Variants in STRN observed in about 807,000 individuals in gnomAD.
STRN encodes protein phosphatase 2 regulatory subunit B'''alpha.
In STRN, 53 loss-of-function variants were observed where a neutral mutation model predicts 96.3. The observed-to-expected ratio is 0.55, with a 90% CI of 0.44 to 0.69. The LOEUF (loss-of-function observed/expected upper bound fraction) is 0.69. STRN is among the 30% of genes least tolerant of loss of function. STRN has a pLI of 0.00. For missense variants in STRN, 987 were observed against 963.9 expected (o/e 1.02, Z -0.32); for synonymous variants, 428 against 355.9 (o/e 1.20, Z -2.28).
chr2:36,956,918 C>T (rs946366610), intron 1 of STRN, among the ~76,000 whole-genome samples: 1 of 152,100 alleles, frequency 6.6e-6, no homozygotes, highest in East Asian at 1.9e-4. Flanking sequence ...TTCTACTGAA[C>T]GCAGCCAAAA....
chr2:36,934,465 C>T (rs369460551), intron 1 of STRN, among the ~76,000 whole-genome samples: 8 of 152,260 alleles, frequency 5.3e-5, no homozygotes, highest in African/African-American at 1.9e-4. Flanking sequence ...TCTCAGAAAG[C>T]ATTACTTGCA....
intron 9 of STRN, 126 bp downstream of exon 9, chr2:36,883,806 G>A (rs778303016): frequency 1.1e-6 from 1 of 951,844 alleles, no homozygotes; most frequent in Non-Finnish European, 1.4e-6. Flanking sequence ...TGCATTTGGG[G>A]AAAACTATGC....
At chr2:36,894,082 C>A (rs781586005) in intron 6 of STRN, 49 bp from the exon 7 acceptor site, 12 of 1,569,124 alleles carry the variant, frequency 7.6e-6, no homozygotes, top group Non-Finnish European at 8.6e-6. Context: ...TTTCCCTTTA[C>A]CACTGAATAA....
intron 1 of STRN, among the ~76,000 whole-genome samples, chr2:36,945,434 G>A (rs757392879): frequency 6.6e-5 from 10 of 152,306 alleles, no homozygotes; most frequent in East Asian, 1.9e-4. Context: ...TTGGGAGGCC[G>A]CGGCAGGCGG....
chr2:36,875,272 G>A (rs895589711), intron 10 of STRN, among the ~76,000 whole-genome samples: 1 of 152,134 alleles, frequency 6.6e-6, no homozygotes, highest in African/African-American at 2.4e-5. Context: ...CACTCTGTGA[G>A]GCTGAGGTGG....
intron 13 of STRN, among the ~76,000 whole-genome samples, chr2:36,860,717 T>C (rs1238320007): frequency 1.3e-5 from 2 of 152,206 alleles, no homozygotes; most frequent in Non-Finnish European, 2.9e-5. Flanking sequence ...TAAAAATTAT[T>C]AGCTTCTACA....
rs1176713047 is a variant in STRN, at chr2:36,924,969, T to A, written c.338+136A>T. 7.6e-6 allele frequency: 5 copies of A among 656,804 alleles called. No homozygotes were observed. In the African/African-American group the frequency reaches 9.1e-5, roughly 12 times the overall value. The allele number at this position is 656,804 out of a possible 1,614,324, so 40.7% of individuals were successfully genotyped here. ...TACTGGGGAGGCTGAGGCAGGAGAA[T>A]TGCTTGAAACCGGGAGGCGGAGGTC... On this transcript the variant is annotated intron_variant, in intron 2 of 17. Transcript: ENST00000263918.
chr2:36,904,969 CTTTT>C (rs199913588), intron 4 of STRN, among the ~76,000 whole-genome samples: 3 of 134,820 alleles, frequency 2.2e-5, no homozygotes, highest in Admixed American at 7.2e-5. Flanking sequence ...ACCAATTGCA[CTTTT>C]TTTTTTTTTT....
intron 8 of STRN, among the ~76,000 whole-genome samples, chr2:36,885,674 T>C (rs950289999): frequency 6.6e-6 from 1 of 152,172 alleles, no homozygotes; most frequent in Non-Finnish European, 1.5e-5. Flanking sequence ...AAGGTTTAAA[T>C]GCTTTTAAGT....
intron 10 of STRN, among the ~76,000 whole-genome samples, chr2:36,872,081 T>C (rs1440303839): frequency 6.6e-6 from 1 of 152,220 alleles, no homozygotes; most frequent in African/African-American, 2.4e-5. Context: ...CTTAATGTGG[T>C]AGGCAGCCAC....
At chr2:36,943,538 C>T (rs1169671252) in intron 1 of STRN, among the ~76,000 whole-genome samples, 1 of 152,176 alleles carries the variant, frequency 6.6e-6, no homozygotes, top group Admixed American at 6.5e-5. Flanking sequence ...GGCACAGTGG[C>T]TCACACTTGT....
intron 15 of STRN, among the ~76,000 whole-genome samples, chr2:36,853,390 G>T (rs1474066946): frequency 1.3e-5 from 2 of 152,190 alleles, no homozygotes; most frequent in South Asian, 4.1e-4. Flanking sequence ...CATATATTCT[G>T]AGAGAGACGT....
intron 1 of STRN, among the ~76,000 whole-genome samples, chr2:36,933,284 T>C (rs1413637612): frequency 1.3e-5 from 2 of 152,206 alleles, no homozygotes; most frequent in South Asian, 2.1e-4. Flanking sequence ...ATAGTTTATA[T>C]GCAAATACTA....
chr2:36,864,611 G>T (rs1339132520), intron 12 of STRN, among the ~76,000 whole-genome samples: 1 of 152,194 alleles, frequency 6.6e-6, no homozygotes, highest in African/African-American at 2.4e-5. Context: ...TTGGCCTGAA[G>T]TTTTCCTTTC....
chr2:36,912,158 T>A (rs1385310569), intron 3 of STRN, among the ~76,000 whole-genome samples: 1 of 152,138 alleles, frequency 6.6e-6, no homozygotes, highest in African/African-American at 2.4e-5. Context: ...CCTACCACCT[T>A]CTTCAGATTA....
intron 14 of STRN, 112 bp downstream of exon 14, chr2:36,857,744 A>G (rs541135883): frequency 4.2e-6 from 4 of 942,136 alleles, no homozygotes; most frequent in Non-Finnish European, 6.0e-6. Flanking sequence ...CGTGGCTTCA[A>G]AAACTTTCAA....
chr2:36,964,297 T>C lies in STRN; in HGVS notation c.234+1933A>G, dbSNP rs538662238. ...GTTTTTTTTTTTTTAACCAAATTAG[T>C]GTGAGTTATCTATATTCCCAAAACT... On this transcript the variant is annotated intron_variant, in intron 1 of 17. Transcript: ENST00000263918. 2.4e-4 allele frequency among the ~76,000 whole-genome samples: 36 copies of C among 151,082 alleles called. No individual in the cohort carries two copies. In the South Asian group the frequency reaches 7.5e-3, roughly 31 times the overall value.
intron 3 of STRN, among the ~76,000 whole-genome samples, chr2:36,915,166 C>T (rs1670059307): frequency 7.1e-6 from 1 of 141,774 alleles, no homozygotes. Flanking sequence ...CGCTGCACTC[C>T]AGGCTGGGTG....
intron 2 of STRN, among the ~76,000 whole-genome samples, chr2:36,916,913 A>T (rs1362806074): frequency 6.6e-6 from 1 of 152,138 alleles, no homozygotes; most frequent in African/African-American, 2.4e-5. Flanking sequence ...AGGGTGACTA[A>T]AAATAGCCAT....
Sources: gnomAD v4.1 joint callset for allele counts (sites outside exome capture counted in the v4.1 genomes callset) on GRCh38, gnomAD v4.1.1 for gene constraint, MANE v1.5 for transcripts, NCBI Gene and HGNC (gene_info 2026-07-23, HGNC 2026-07-21) for gene names.